Variants in ZNF664 observed in about 807,000 individuals in gnomAD.
ZNF664 encodes the protein zinc finger protein 664.
In ZNF664, 10 loss-of-function variants were observed where a neutral mutation model predicts 18.2. The observed-to-expected ratio is 0.55, with a 90% confidence interval of 0.34 to 0.93. The LOEUF is 0.93. ZNF664 is among the 40% of genes least tolerant of loss of function. The probability of loss-of-function intolerance (pLI) is 0.02; values close to 1 mark genes in which losing one functional copy is unlikely to be tolerated. For missense variants in ZNF664, 193 were observed against 319.0 expected, an observed-to-expected ratio of 0.61 and a Z score of 3.01; for synonymous variants, 119 against 104.2, an observed-to-expected ratio of 1.14 and a Z score of -0.86.
In ZNF664 at chr12:124,012,615, C is replaced by T. The variant is rs376066644; in HGVS notation, c.471C>T (p.Ser157=). 17 of 1,613,988 alleles carry T rather than the reference C, an allele frequency of 1.1e-5. No individual in the cohort carries two copies. Among genetic ancestry groups the T allele is most frequent in the Non-Finnish European group, 1.4e-5 (17 of 1,180,026 alleles). The change falls in exon 5 of 5, where the codon AGC becomes AGT. Residue 157 remains serine, a synonymous_variant. Transcript: ENST00000337815. ...GGAAGGCCTTCAGGCACACCTCCAG[C>T]CTCTGCATGCATCAAAGAGTCCACA... ...ECGKAFRHTS[S]LCMHQRVHTG... is the part of the protein sequence containing the mutation.
At chr12:123,994,729 A>G (rs968277441) in intron 3 of ZNF664, among the ~76,000 whole-genome samples, 4 of 152,242 alleles carry the variant, frequency 2.6e-5, no homozygotes, top group African/African-American at 7.2e-5. Context: ...GCAACGTACA[A>G]TCTGAAACTG....
chr12:124,004,971 G>A (rs1053795812), intron 3 of ZNF664: 2 of 157,358 alleles, frequency 1.3e-5, no homozygotes, highest in African/African-American at 2.4e-5. Flanking sequence ...ATATTACAAT[G>A]TAATAATAAT....
In ZNF664 at chr12:124,012,030, G is replaced by C; in HGVS notation, c.-115G>C. On this transcript the variant is annotated 5_prime_UTR_variant, in exon 5 of 5. Coordinates refer to ENST00000337815, the MANE Select transcript of ZNF664 (RefSeq NM_152437.3). ...ACCTTAAACTTACCTAATAGAGCAA[G>C]CCTGAGATAGACTGCCAAAATGGCC... The C allele has an allele frequency of 6.9e-7, 1 of 1,459,800 alleles. No individual in the cohort carries two copies. Among genetic ancestry groups the C allele is most frequent in the Non-Finnish European group, 9.0e-7 (1 of 1,115,378 alleles). The allele number at this position is 1,459,800 out of a possible 1,614,324, so 90.4% of individuals were successfully genotyped here. A position where few individuals can be genotyped will look rare whatever the true frequency, so the allele number is the denominator to read the frequency against.
Position 123,997,442 on chromosome 12 carries a change from C to T in ZNF664, c.-661+9304C>T, listed in dbSNP as rs11616040. On this transcript the variant is annotated intron_variant, in intron 3 of 4. Coordinates refer to ENST00000337815, the MANE Select transcript of ZNF664 (RefSeq NM_152437.3). The stretch of plus-strand genomic sequence containing the variant: ...TAAGGTGGCAGCAGGGCCGTGCTCC[C>T]TTTGAAGGCTTTACAGGAGAATCCT... Among the ~76,000 whole-genome samples, 1,097 of 152,314 alleles carry T rather than the reference C, an allele frequency of 7.2e-3. 7 individuals carry two copies. The highest frequency in any genetic ancestry group is 0.012 in the Non-Finnish European group (850 of 68,030).
chr12:123,973,830 G>A (rs1300757324), intron 1 of ZNF664, 56 bp from the exon 2 acceptor site: 3 of 1,230,328 alleles, frequency 2.4e-6, no homozygotes, highest in East Asian at 3.2e-5. Flanking sequence ...CCAGGGGACC[G>A]GGGAGCCGGG....
At chr12:123,979,768 C>T (rs376729636) in intron 2 of ZNF664, among the ~76,000 whole-genome samples, 2 of 152,100 alleles carry the variant, frequency 1.3e-5, no homozygotes, top group African/African-American at 4.8e-5. Flanking sequence ...TAGCCTCAGC[C>T]TCCTGGGCTC....
In ZNF664 at chr12:124,014,184, TG is replaced by T. The variant is rs973541402; in HGVS notation, c.*1259del. On this transcript the variant is annotated 3_prime_UTR_variant, in exon 5 of 5. Coordinates refer to ENST00000337815, the MANE Select transcript of ZNF664 (RefSeq NM_152437.3). ...TGATGATTTTAGTGGTGGGGTGGGG[TG>T]GGGGTGGGGTGACATTAGCTAGTGG... The T allele has an allele frequency of 2.5e-4, 8 of 32,396 alleles. No individual in the cohort carries two copies. The highest frequency in any genetic ancestry group is 1.4e-3 in the East Asian group (1 of 704). The allele number at this position is 32,396 out of a possible 1,614,324, so 2.0% of individuals were successfully genotyped here. A position where few individuals can be genotyped will look rare whatever the true frequency, so the allele number is the denominator to read the frequency against.
At chr12:124,006,771 C>A (rs933175092) in intron 3 of ZNF664, among the ~76,000 whole-genome samples, 1 of 152,150 alleles carries the variant, frequency 6.6e-6, no homozygotes, top group Admixed American at 6.5e-5. Flanking sequence ...ATGCTGGGGG[C>A]GTTCCTGAGC....
intron 3 of ZNF664, among the ~76,000 whole-genome samples, chr12:124,008,438 G>A (rs1423443148): frequency 2.0e-5 from 3 of 152,174 alleles, no homozygotes; most frequent in Non-Finnish European, 4.4e-5. Flanking sequence ...TCCTGGCAGT[G>A]TCAAGTCCTG....
At chr12:123,984,179 T>A (rs1405107651) in intron 2 of ZNF664, among the ~76,000 whole-genome samples, 1 of 152,094 alleles carries the variant, frequency 6.6e-6, no homozygotes, top group Non-Finnish European at 1.5e-5. Context: ...ATGGAACTCA[T>A]GGGAATGAAC....
Position 124,013,119 on chromosome 12 carries a change from G to C in ZNF664, c.*189G>C. The C allele has an allele frequency of 2.4e-6, 2 of 829,440 alleles. No individual in the cohort carries two copies. The highest frequency in any genetic ancestry group is 3.8e-5 in the South Asian group (2 of 52,424). 51.4% of individuals were successfully genotyped at this position (829,440 alleles called of 1,614,324 possible). On this transcript the variant is annotated 3_prime_UTR_variant, in exon 5 of 5. Coordinates refer to ENST00000337815, the MANE Select transcript of ZNF664 (RefSeq NM_152437.3). ...GTTCCACAGGTTGACTTTGAATGTGGACCTCTGAGCATCCACGCAGGATGG... is the reference window on the plus strand; with the variant it reads ...GTTCCACAGGTTGACTTTGAATGTGCACCTCTGAGCATCCACGCAGGATGG...
intron 3 of ZNF664, among the ~76,000 whole-genome samples, chr12:123,994,624 G>A (rs1241258349): frequency 2.0e-5 from 3 of 152,176 alleles, no homozygotes; most frequent in African/African-American, 4.8e-5. Context: ...TAATGTAGTT[G>A]GAAAAGGGAT....
chr12:123,984,216 A>G (rs1956799045), intron 2 of ZNF664, among the ~76,000 whole-genome samples: 1 of 152,224 alleles, frequency 6.6e-6, no homozygotes, highest in Admixed American at 6.5e-5. Flanking sequence ...TTGCCCGGCC[A>G]ACTGATAATA....
At chr12:123,974,186 A>G (rs1421211201) in intron 2 of ZNF664, 166 bp downstream of exon 2, 2 of 434,934 alleles carry the variant, frequency 4.6e-6, no homozygotes, top group Non-Finnish European at 7.7e-6. Context: ...TCTCCGCCAC[A>G]TCACCTCTCA....
At chr12:123,975,404 C>A (rs1391166306) in intron 2 of ZNF664, among the ~76,000 whole-genome samples, 1 of 147,866 alleles carries the variant, frequency 6.8e-6, no homozygotes, top group African/African-American at 2.5e-5. Flanking sequence ...CTAGGGCTTT[C>A]TTTTCTTCCT....
At chr12:124,010,745 C>A (rs192136522) in intron 3 of ZNF664, among the ~76,000 whole-genome samples, 3 of 152,260 alleles carry the variant, frequency 2.0e-5, no homozygotes, top group Non-Finnish European at 4.4e-5. Flanking sequence ...GGAACCAATA[C>A]GATAATTACA....
intron 2 of ZNF664, among the ~76,000 whole-genome samples, chr12:123,984,118 G>C (rs1473502111): frequency 6.6e-6 from 1 of 152,206 alleles, no homozygotes; most frequent in Non-Finnish European, 1.5e-5. Context: ...GAGAACCAGT[G>C]GGCGAGATGG....
At chr12:123,998,029 T>G (rs1036664915) in intron 3 of ZNF664, among the ~76,000 whole-genome samples, 2 of 152,012 alleles carry the variant, frequency 1.3e-5, no homozygotes, top group Non-Finnish European at 2.9e-5. Context: ...AGCCAAAGAG[T>G]GTTCCCTGTT....
intron 3 of ZNF664, among the ~76,000 whole-genome samples, chr12:124,010,230 A>G (rs906722526): frequency 6.6e-6 from 1 of 152,226 alleles, no homozygotes; most frequent in Non-Finnish European, 1.5e-5. Flanking sequence ...ACTTTCACCT[A>G]TAAGCAGTCC....
Sources: gnomAD v4.1 joint callset for allele counts (sites outside exome capture counted in the v4.1 genomes callset) on GRCh38, gnomAD v4.1.1 for gene constraint, MANE v1.5 for transcripts, NCBI Gene and HGNC (gene_info 2026-07-23, HGNC 2026-07-21) for gene names.